HTT: variants seen among roughly 807,000 people sequenced by gnomAD.
HTT encodes huntingtin.
In HTT, 104 loss-of-function variants were observed where a neutral mutation model predicts 362.3. The ratio of observed to expected loss-of-function variants is 0.29; its 90% CI spans 0.24 to 0.34. The LOEUF is 0.34. Among genes scored for constraint, HTT ranks in the 10% least tolerant of loss-of-function variants. The probability of loss-of-function intolerance (pLI) is 1.00; values close to 1 mark genes in which losing one functional copy is unlikely to be tolerated. For missense variants in HTT, 3,301 were observed against 3,928.6 expected (o/e 0.84, Z 4.27); for synonymous variants, 1,577 against 1,548.7 (o/e 1.02, Z -0.43).
At chr4:3,230,793 A>G (rs1267685915) in intron 60 of HTT, among the ~76,000 whole-genome samples, 1 of 152,088 alleles carries the variant, frequency 6.6e-6, no homozygotes, top group Non-Finnish European at 1.5e-5. Context: ...CCAATCCACA[A>G]GGGCTCTCCC....
chr4:3,105,059 T>G (rs1012325515), intron 4 of HTT, among the ~76,000 whole-genome samples: 4 of 152,230 alleles, frequency 2.6e-5, no homozygotes, highest in Non-Finnish European at 4.4e-5. Flanking sequence ...TGGGATTTCA[T>G]CGTTATTCAG....
At position 3,134,528 on chromosome 4, in the gene HTT, A is replaced by G; in HGVS notation, c.2621A>G (p.Glu874Gly). The G allele has an allele frequency of 1.2e-6, 2 of 1,612,464 alleles. No homozygotes were observed. The highest frequency in any genetic ancestry group is 1.7e-6 in the Non-Finnish European group (2 of 1,179,366). ...ACAGAGCTTCTGGAAACCCTTGCAG[A>G]GATTGACTTCAGGTAAGTGAGTCAC... The part of the protein sequence containing the change: ...VRTELLETLA[E>G]IDFRLVSFLE... Residue 874 changes from glutamate (E) to glycine (G), a missense_variant, in exon 19 of 67, where the codon GAG (glutamate) becomes GGG (glycine). Coordinates refer to ENST00000355072, the MANE Select transcript of HTT (RefSeq NM_001388492.1).
chr4:3,150,912 G>A (rs898627529), intron 26 of HTT, among the ~76,000 whole-genome samples: 6 of 152,138 alleles, frequency 3.9e-5, no homozygotes, highest in African/African-American at 7.2e-5. Context: ...GGTGGCGGGC[G>A]CCCATAGTCC....
chr4:3,185,513 G>A (rs1314469160), intron 37 of HTT, among the ~76,000 whole-genome samples: 2 of 152,224 alleles, frequency 1.3e-5, no homozygotes, highest in East Asian at 3.8e-4. Context: ...TACACACTCA[G>A]TAGAAACAAA....
chr4:3,108,554 C>G (rs1029864986), intron 6 of HTT, among the ~76,000 whole-genome samples: 1 of 152,224 alleles, frequency 6.6e-6, no homozygotes, highest in Non-Finnish European at 1.5e-5. Context: ...TGTGATATCT[C>G]TGGCTGTCAG....
chr4:3,106,708 C>A (rs1002229047), intron 5 of HTT, among the ~76,000 whole-genome samples: 1 of 152,066 alleles, frequency 6.6e-6, no homozygotes, highest in African/African-American at 2.4e-5. Context: ...TAGTTCTCAG[C>A]GGAACAGTCA....
chr4:3,215,063 G>A (rs1341453963), intron 50 of HTT, 47 bp from the exon 51 acceptor site: 1 of 1,439,304 alleles, frequency 6.9e-7, no homozygotes, highest in Non-Finnish European at 9.8e-7. Flanking sequence ...AAAAAGCACT[G>A]ATGGAAGTGT....
At chr4:3,216,839 A>G (rs991658784) in intron 51 of HTT, among the ~76,000 whole-genome samples, 1 of 151,826 alleles carries the variant, frequency 6.6e-6, no homozygotes, top group East Asian at 1.9e-4. Context: ...TCCCAGCTAA[A>G]ACGGTGAAAC....
intron 12 of HTT, chr4:3,128,848 T>C (rs1365604977): frequency 6.6e-6 from 1 of 152,230 alleles, no homozygotes; most frequent in Non-Finnish European, 1.5e-5. Flanking sequence ...ATTTAAATAA[T>C]GTCATGGAAT....
Position 3,236,165 on chromosome 4 carries a change from T to C in HTT, c.8802T>C (p.Ser2934=), listed in dbSNP as rs772164992. The change falls in exon 64 of 67, where the codon AGT becomes AGC. Residue 2934 remains serine (S), a synonymous_variant. Coordinates refer to ENST00000355072, the MANE Select transcript of HTT (RefSeq NM_001388492.1). The part of the protein sequence containing the change: ...TCMYTGKEKV[S]PGRTSDPNPA... The stretch of plus-strand genomic sequence containing the variant: ...TTGTTACAGGAAAGGAGAAAGTCAG[T>C]CCGGGTAGAACTTCAGACCCTAATC... 1.9e-6 allele frequency: 3 copies of C among 1,613,894 alleles called. No homozygotes were observed. The highest frequency in any genetic ancestry group is 2.5e-6 in the Non-Finnish European group (3 of 1,179,734).
In HTT at chr4:3,194,551, G is replaced by A. The variant is rs532825311; in HGVS notation, c.5369-5181G>A. Among the ~76,000 whole-genome samples the A allele has an allele frequency of 3.9e-5, 6 of 152,322 alleles. No homozygotes were observed. The South Asian group carries it at 1.2e-3, about 32-fold the overall frequency. ...ACACGGCCTTCCAGCTTTGCTCACC[G>A]TGATTTTCAAGGACACATCTTGTGC... On this transcript the variant is annotated intron_variant, in intron 40 of 66. Transcript: ENST00000355072.
chr4:3,232,964 C>T (rs1560606066), intron 60 of HTT, among the ~76,000 whole-genome samples, 199 bp from the exon 61 acceptor site: 1 of 152,264 alleles, frequency 6.6e-6, no homozygotes, highest in African/African-American at 2.4e-5. Flanking sequence ...AGCCCCTCCT[C>T]AGTGAGGATG....
At chr4:3,153,275 T>C (rs573145643) in intron 26 of HTT, among the ~76,000 whole-genome samples, 1 of 152,230 alleles carries the variant, frequency 6.6e-6, no homozygotes, top group South Asian at 2.1e-4. Flanking sequence ...AGGCCCCACC[T>C]CCTAATACCA....
intron 29 of HTT, among the ~76,000 whole-genome samples, chr4:3,166,702 G>T (rs551497913): frequency 2.6e-5 from 4 of 152,230 alleles, no homozygotes; most frequent in Non-Finnish European, 5.9e-5. Context: ...AGAGTGCTGC[G>T]CTAGCAGTGA....
In HTT at chr4:3,157,187, C is replaced by G. The variant is rs771738411; in HGVS notation, c.3741C>G (p.His1247Gln). 4 of 1,613,310 alleles carry G rather than the reference C, an allele frequency of 2.5e-6. No individual in the cohort carries two copies. In the African/African-American group the frequency reaches 5.3e-5, roughly 22 times the overall value. The change falls in exon 28 of 67, where the codon CAC becomes CAG. Residue 1247 changes from histidine to glutamine, a missense_variant. His to Gln is a conservative substitution (Grantham distance 24). Coordinates refer to ENST00000355072, the MANE Select transcript of HTT (RefSeq NM_001388492.1). ...LKLHDVLKAT[H>Q]ANYKVTLDLQ... The stretch of plus-strand genomic sequence containing the variant: ...TGCATGATGTCCTGAAAGCTACACA[C>G]GCTAACTACAAGGTATGGGCCTCTG...
rs1411269706 is a variant in HTT at position 3,228,982 on chromosome 4, C to T, written c.8082C>T (p.Ala2694=). The T allele has an allele frequency of 6.2e-7, 1 of 1,613,610 alleles. No individual in the cohort carries two copies. The highest frequency in any genetic ancestry group is 1.3e-5 in the African/African-American group (1 of 74,850). ...CCAGCTCAGCCAGGAGGACCCCGGC[C>T]ATCCTGATCAGTGAGGTGGTCAGAT... ...LPSSSARRTP[A]ILISEVVRSL... is the part of the protein sequence containing the mutation. The change falls in exon 59 of 67, where the codon GCC becomes GCT. Residue 2694 remains alanine, a synonymous_variant. Coordinates refer to ENST00000355072, the MANE Select transcript of HTT (RefSeq NM_001388492.1). The surrounding 1 kb of genome is among the most constrained non-coding windows in gnomAD (Gnocchi z 4.3).
In HTT at chr4:3,228,862, A is replaced by G. The variant is rs1406442463; in HGVS notation, c.7980-18A>G. On this transcript the variant is annotated intron_variant, in intron 58 of 66. Transcript: ENST00000355072. The surrounding 1 kb of genome is among the most constrained non-coding windows in gnomAD (Gnocchi z 4.3). ...CATCTCATGTACTTGGAAAATACCC[A>G]TCTCGCATATTCCACAGGAAACACC... 1.2e-6 allele frequency: 2 copies of G among 1,606,744 alleles called. No homozygotes were observed. The highest frequency in any genetic ancestry group is 4.5e-5 in the East Asian group (2 of 44,668).
At chr4:3,175,582 C>T (rs776056699) in intron 33 of HTT, among the ~76,000 whole-genome samples, 13 of 152,254 alleles carry the variant, frequency 8.5e-5, no homozygotes, top group East Asian at 3.9e-4. Flanking sequence ...AACTGAGACC[C>T]GTGCTCCTGG....
At chr4:3,171,985 A>T (rs1423417086) in intron 29 of HTT, among the ~76,000 whole-genome samples, 1 of 152,240 alleles carries the variant, frequency 6.6e-6, no homozygotes, top group Non-Finnish European at 1.5e-5. Context: ...CTACAGATGC[A>T]GGGCTCTTAG....
Sources: allele counts gnomAD v4.1 joint callset (sites outside exome capture counted in the v4.1 genomes callset), GRCh38; gene constraint gnomAD v4.1.1; non-coding constraint Gnocchi (gnomAD v3.1); transcripts MANE v1.5; gene names NCBI Gene and HGNC (gene_info 2026-07-23, HGNC 2026-07-21).